The following STK3 variants were observed in gnomAD, a reference collection of about 807,000 sequenced individuals.
STK3 encodes serine/threonine-protein kinase 3.
STK3 carries 41 observed loss-of-function variants against 58.0 expected under a neutral mutation model. That is an observed-to-expected ratio of 0.71 (90% confidence interval 0.55 to 0.92). The LOEUF is 0.92. STK3 is among the 40% of genes least tolerant of loss of function. The probability of loss-of-function intolerance (pLI) is 0.00; values close to 1 mark genes in which losing one functional copy is unlikely to be tolerated. For missense variants in STK3, 479 were observed against 602.7 expected (o/e 0.79, Z 2.15); for synonymous variants, 170 against 191.0 (o/e 0.89, Z 0.91).
chr8:98,916,897 G>C (rs1839365424), intron 1 of STK3, among the ~76,000 whole-genome samples: 1 of 152,178 alleles, frequency 6.6e-6, no homozygotes, highest in Admixed American at 6.5e-5. Context: ...TTCTAGGTTA[G>C]TCAGTCCTTT....
chr8:98,597,346 A>C (rs1368864416), intron 6 of STK3: 3 of 985,372 alleles, frequency 3.0e-6, no homozygotes, highest in East Asian at 2.3e-4. Flanking sequence ...TTTTACCAGT[A>C]TATGCATCTT....
intron 6 of STK3, among the ~76,000 whole-genome samples, chr8:98,614,858 C>T (rs1000577885): frequency 6.6e-6 from 1 of 152,178 alleles, no homozygotes; most frequent in Non-Finnish European, 1.5e-5. Context: ...TGAGATCAAA[C>T]TGCAAGGCGG....
intron 6 of STK3, among the ~76,000 whole-genome samples, chr8:98,690,326 A>G (rs963955018): frequency 2.0e-5 from 3 of 152,186 alleles, no homozygotes; most frequent in African/African-American, 7.2e-5. Flanking sequence ...TAGGCCTGAT[A>G]AATGATTTCA....
intron 1 of STK3, among the ~76,000 whole-genome samples, chr8:98,789,928 T>A (rs1832699518): frequency 2.0e-5 from 3 of 149,074 alleles, no homozygotes; most frequent in Admixed American, 6.8e-5. Context: ...CTCGGGAGGC[T>A]GAGGCAGGAG....
At chr8:98,713,805 C>G (rs1212228849) in intron 4 of STK3, among the ~76,000 whole-genome samples, 1 of 151,996 alleles carries the variant, frequency 6.6e-6, no homozygotes, top group African/African-American at 2.4e-5. Context: ...GATACCAAAG[C>G]CTGGCAGAGA....
rs2131376966 is a variant in STK3, at chr8:98,754,464, T to C, written c.237-5074A>G. Among the ~76,000 whole-genome samples, 2 of 151,300 alleles carry C rather than the reference T, an allele frequency of 1.3e-5. 1 individual carries two copies. The highest frequency in any genetic ancestry group is 1.3e-4 in the Admixed American group (2 of 15,192). ...CCAGAGTTAAGCTTCACTCTACCAG[T>C]GAATAGACTGTATATCCTTCAGGGG... On this transcript the variant is annotated intron_variant, in intron 3 of 10. Coordinates refer to ENST00000419617, the MANE Select transcript of STK3 (RefSeq NM_006281.4).
At chr8:98,679,641 C>G (rs1050813500) in intron 6 of STK3, among the ~76,000 whole-genome samples, 1 of 152,040 alleles carries the variant, frequency 6.6e-6, no homozygotes, top group Admixed American at 6.6e-5. Flanking sequence ...TAGAATAGTC[C>G]CAAGCACATG....
intron 6 of STK3, among the ~76,000 whole-genome samples, chr8:98,641,198 C>T (rs1211419427): frequency 1.3e-5 from 2 of 152,152 alleles, no homozygotes; most frequent in Non-Finnish European, 2.9e-5. Flanking sequence ...GTTAATGAAT[C>T]TGCAAAATAT....
chr8:98,536,838 G>A (rs1225274640), intron 9 of STK3, among the ~76,000 whole-genome samples: 1 of 152,204 alleles, frequency 6.6e-6, no homozygotes, highest in Non-Finnish European at 1.5e-5. Context: ...AGCAGAAGGA[G>A]CAGCAATCTG....
chr8:98,456,897 G>A (rs1819534811), intron 10 of STK3, among the ~76,000 whole-genome samples: 1 of 152,152 alleles, frequency 6.6e-6, no homozygotes, highest in Non-Finnish European at 1.5e-5. Flanking sequence ...TGGCCCTATC[G>A]TGACTTCTGC....
rs532024082 is a variant in STK3, at chr8:98,910,456, G to A, written c.-78-26622C>T. On this transcript the variant is annotated intron_variant, in intron 1 of 1. Transcript: ENST00000519420. The stretch of plus-strand genomic sequence containing the variant: ...GCTGAAGTTTTTTTCAAACTAACAT[G>A]TCTTCCCTAAACAATAAGTTGTTAT... Among the ~76,000 whole-genome samples, 4 of 152,176 alleles carry A rather than the reference G, an allele frequency of 2.6e-5. No homozygotes were observed. In the South Asian group the frequency reaches 6.2e-4, roughly 24 times the overall value.
At chr8:98,904,657 G>T (rs1838817466) in intron 1 of STK3, 8 of 636,818 alleles carry the variant, frequency 1.3e-5, no homozygotes, top group Non-Finnish European at 2.1e-5. Context: ...GGGCCATGTC[G>T]TGTAGAGAAT....
At chr8:98,681,330 C>G (rs1026465193) in intron 6 of STK3, among the ~76,000 whole-genome samples, 22 of 151,774 alleles carry the variant, frequency 1.4e-4, no homozygotes, top group Admixed American at 3.3e-4. Context: ...CTCTAACCCC[C>G]AAAGCGATTC....
At position 98,558,975 on chromosome 8, in the gene STK3, T is replaced by G. The variant is rs147742930; in HGVS notation, c.949-10814A>C. On this transcript the variant is annotated intron_variant, in intron 8 of 10. Coordinates refer to ENST00000419617, the MANE Select transcript of STK3 (RefSeq NM_006281.4). ...GATTTTAACATACAGTTTACATCACTGAACTTCCTGATAAAAATGAAATTC... is the reference window on the plus strand; with the variant it reads ...GATTTTAACATACAGTTTACATCACGGAACTTCCTGATAAAAATGAAATTC... Among the ~76,000 whole-genome samples, 706 of 152,246 alleles carry G rather than the reference T, an allele frequency of 4.6e-3. 2 individuals are homozygous for G. Among genetic ancestry groups the G allele is most frequent in the Middle Eastern group, 0.01 (3 of 294 alleles).
chr8:98,720,478 C>T (rs553964216), intron 4 of STK3, among the ~76,000 whole-genome samples: 303 of 152,102 alleles, frequency 2.0e-3, no homozygotes, highest in African/African-American at 6.9e-3. Flanking sequence ...GGGCCAGGCA[C>T]GGTGGCTCAC....
intron 3 of STK3, among the ~76,000 whole-genome samples, chr8:98,865,949 C>A (rs924087433): frequency 1.3e-5 from 2 of 152,240 alleles, no homozygotes; most frequent in Non-Finnish European, 2.9e-5. Flanking sequence ...CCACACAGTC[C>A]TGCAGTCTGG....
intron 6 of STK3, among the ~76,000 whole-genome samples, chr8:98,702,532 C>T (rs1264318992): frequency 6.6e-6 from 1 of 152,202 alleles, no homozygotes; most frequent in Admixed American, 6.5e-5. Flanking sequence ...CTCAAGGCAT[C>T]TCTTTTTGCC....
chr8:98,740,357 AC>A lies in STK3; in HGVS notation c.351+8918del, dbSNP rs1410434607. 2.0e-5 allele frequency among the ~76,000 whole-genome samples: 3 copies of A among 152,246 alleles called. No individual in the cohort carries two copies. In the East Asian group the frequency reaches 5.8e-4, roughly 29 times the overall value. ...GGCAGCCAGAGAGAAAGGTCGGGTTACCCACAAAGGGAAGCCCATCAGACTA... is the reference window on the plus strand; with the variant it reads ...GGCAGCCAGAGAGAAAGGTCGGGTTACCACAAAGGGAAGCCCATCAGACTA... On this transcript the variant is annotated intron_variant, in intron 4 of 10. Coordinates refer to ENST00000419617, the MANE Select transcript of STK3 (RefSeq NM_006281.4).
At chr8:98,405,862 C>T (rs1320052794) in intron 3 of STK3, among the ~76,000 whole-genome samples, 11 of 152,168 alleles carry the variant, frequency 7.2e-5, no homozygotes, top group African/African-American at 2.4e-4. Context: ...TCTCGTGAGA[C>T]TTATTCACTC....
Sources: allele counts gnomAD v4.1 joint callset (sites outside exome capture counted in the v4.1 genomes callset), GRCh38; gene constraint gnomAD v4.1.1; transcripts MANE v1.5; gene names NCBI Gene and HGNC (gene_info 2026-07-23, HGNC 2026-07-21).